PDC: variants seen among roughly 807,000 people sequenced by gnomAD.
PDC encodes phosducin, also known as 33 kDa phototransducing protein.
In PDC, 19 loss-of-function variants were observed where a neutral mutation model predicts 22.2. That is an observed-to-expected ratio of 0.86 (90% CI 0.60 to 1.26). PDC has a LOEUF of 1.26. Among genes scored for constraint, PDC ranks in the 50% most tolerant of loss-of-function variants. The pLI is 0.00. For missense variants in PDC, 274 were observed against 286.8 expected (o/e 0.96, Z 0.32); for synonymous variants, 97 against 96.2 (o/e 1.01, Z -0.05).
At chr1:186,453,079 G>C (rs567216699) in intron 1 of PDC, among the ~76,000 whole-genome samples, 1 of 152,192 alleles carries the variant, frequency 6.6e-6, no homozygotes, top group East Asian at 1.9e-4. Flanking sequence ...GAGAAATACA[G>C]CTTAAAATAG....
chr1:186,460,919 T>C (rs1056309049), intron 1 of PDC, 140 bp downstream of exon 1: 1 of 153,476 alleles, frequency 6.5e-6, no homozygotes, highest in Non-Finnish European at 1.5e-5. Context: ...TAATTGTCTT[T>C]ATAGTAGATA....
intron 1 of PDC, among the ~76,000 whole-genome samples, chr1:186,455,797 TAAAAAAA>T (rs71104862): frequency 5.1e-5 from 2 of 39,368 alleles, no homozygotes; most frequent in East Asian, 2.1e-3. Flanking sequence ...CCGTCTCTAC[TAAAAAAA>T]AAAAAAAAAA....
chr1:186,458,470 G>A (rs1312262012), intron 1 of PDC, among the ~76,000 whole-genome samples: 2 of 150,058 alleles, frequency 1.3e-5, no homozygotes, highest in African/African-American at 5.0e-5. Context: ...AGGTGTGGGA[G>A]CCACAGAAGC....
At chr1:186,444,547 T>G (rs763105074) in intron 3 of PDC, 41 bp from the exon 4 acceptor site, 1 of 1,384,474 alleles carries the variant, frequency 7.2e-7, no homozygotes, top group South Asian at 1.3e-5. Context: ...AGTCAGAAGT[T>G]TTATTCCTTA....
chr1:186,458,185 C>A (rs916618288), intron 1 of PDC, among the ~76,000 whole-genome samples: 1 of 145,410 alleles, frequency 6.9e-6, no homozygotes, highest in Non-Finnish European at 1.5e-5. Flanking sequence ...AGTGAAAAGA[C>A]ATCCACCTAT....
rs116768191 is a variant in PDC at position 186,456,449 on chromosome 1, G to A, written c.-25+4610C>T. Among the ~76,000 whole-genome samples the A allele has an allele frequency of 2.3e-3, 354 of 152,100 alleles. 4 individuals carry two copies. The highest frequency in any genetic ancestry group is 7.0e-3 in the African/African-American group (292 of 41,466). ...TTGCAAATTATGATGAAAGGCTTTCGCAGTCTTATTCTCATACTGGTCTCC... is the reference window on the plus strand; with the variant it reads ...TTGCAAATTATGATGAAAGGCTTTCACAGTCTTATTCTCATACTGGTCTCC... On this transcript the variant is annotated intron_variant, in intron 1 of 3. Transcript: ENST00000391997.
At chr1:186,445,729 G>A (rs1342973748) in intron 3 of PDC, among the ~76,000 whole-genome samples, 2 of 152,086 alleles carry the variant, frequency 1.3e-5, no homozygotes, top group Non-Finnish European at 2.9e-5. Context: ...AGGAGGTAGG[G>A]GTTGCAGTGA....
At position 186,443,957 on chromosome 1, in the gene PDC, G is replaced by C. The variant is rs1662160466; in HGVS notation, c.*22C>G. On this transcript the variant is annotated 3_prime_UTR_variant, in exon 4 of 4. Transcript: ENST00000391997. Reference sequence around the variant, plus strand: ...CATCCAATACCTAAAGGATAAACATGAGATATTGACATAGTGAATCTTCAT... The same window carrying C: ...CATCCAATACCTAAAGGATAAACATCAGATATTGACATAGTGAATCTTCAT... The C allele has an allele frequency of 3.2e-6, 5 of 1,545,314 alleles. No homozygotes were observed. The highest frequency in any genetic ancestry group is 2.7e-6 in the Non-Finnish European group (3 of 1,124,096).
chr1:186,449,402 T>A lies in PDC; in HGVS notation c.58A>T (p.Thr20Ser), dbSNP rs769904390. ...TTTTTCTTCTAGCTTTGCTTGCCTG[T>A]ATGTGTGGCCTGTCCTTCAAAGTCT... Reference protein sequence around the residue: ...EEDFEGQATHTGPKGVINDWR... With the variant: ...EEDFEGQATHSGPKGVINDWR... The change falls in exon 2 of 4, where the codon ACA becomes TCA. Residue 20 changes from threonine to serine, a missense_variant. Transcript: ENST00000391997. The A allele has an allele frequency of 6.3e-7, 1 of 1,597,190 alleles. No homozygotes were observed. The highest frequency in any genetic ancestry group is 8.6e-7 in the Non-Finnish European group (1 of 1,167,592).
chr1:186,456,726 T>C (rs1169466955), intron 1 of PDC, among the ~76,000 whole-genome samples: 1 of 152,230 alleles, frequency 6.6e-6, no homozygotes, highest in East Asian at 1.9e-4. Context: ...AGAAACTGTT[T>C]CAGAGAAGGT....
At chr1:186,453,107 G>A (rs1035843279) in intron 1 of PDC, among the ~76,000 whole-genome samples, 4 of 152,062 alleles carry the variant, frequency 2.6e-5, no homozygotes, top group African/African-American at 4.8e-5. Flanking sequence ...CCAAGTTAGG[G>A]TTTTATTTTC....
chr1:186,453,081 T>C (rs1472078338), intron 1 of PDC, among the ~76,000 whole-genome samples: 1 of 152,214 alleles, frequency 6.6e-6, no homozygotes, highest in African/African-American at 2.4e-5. Flanking sequence ...GAAATACAGC[T>C]TAAAATAGAA....
intron 1 of PDC, among the ~76,000 whole-genome samples, chr1:186,450,426 A>C (rs557648048): frequency 6.6e-6 from 1 of 152,028 alleles, no homozygotes; most frequent in African/African-American, 2.4e-5. Flanking sequence ...GCAGCCTCAA[A>C]CTTCTGGGCT....
At chr1:186,459,706 G>C (rs1481702693) in intron 1 of PDC, among the ~76,000 whole-genome samples, 5 of 146,356 alleles carry the variant, frequency 3.4e-5, no homozygotes, top group African/African-American at 1.2e-4. Context: ...GCTTTAATAT[G>C]AGGTGATTCT....
intron 1 of PDC, among the ~76,000 whole-genome samples, chr1:186,459,055 C>T (rs1468511558): frequency 6.6e-6 from 1 of 152,060 alleles, no homozygotes; most frequent in Non-Finnish European, 1.5e-5. Flanking sequence ...CCAGATACTC[C>T]GGAGGCTGAC....
intron 1 of PDC, among the ~76,000 whole-genome samples, chr1:186,454,239 T>C (rs1251446439): frequency 6.8e-6 from 1 of 146,156 alleles, no homozygotes. Flanking sequence ...AGTGGTGCGA[T>C]CTTACTCACT....
At chr1:186,446,142 G>T (rs911588727) in intron 3 of PDC, among the ~76,000 whole-genome samples, 1 of 152,136 alleles carries the variant, frequency 6.6e-6, no homozygotes, top group Non-Finnish European at 1.5e-5. Context: ...AGTGGAGCAG[G>T]TTTGTTACAA....
chr1:186,448,191 T>C (rs986260071), intron 2 of PDC, among the ~76,000 whole-genome samples: 1 of 152,196 alleles, frequency 6.6e-6, no homozygotes, highest in African/African-American at 2.4e-5. Context: ...TCAAAGGGCA[T>C]ATACATTACT....
In PDC at chr1:186,444,063, A is replaced by G. The variant is rs1164158170; in HGVS notation, c.657T>C (p.Ser219=). The G allele has an allele frequency of 1.9e-6, 3 of 1,613,300 alleles. No homozygotes were observed. Among genetic ancestry groups the G allele is most frequent in the East Asian group, 2.2e-5 (1 of 44,876 alleles). The change falls in exon 4 of 4, where the codon TCT becomes TCC. Residue 219 remains serine (S), a synonymous_variant. Coordinates refer to ENST00000391997, the MANE Select transcript of PDC (RefSeq NM_002597.5). Reference sequence around the variant, plus strand: ...GTAGTAACCCATATTCATTTAGGAAAGACTCCACATCCCCAGCAAAAAATT... The same window carrying G: ...GTAGTAACCCATATTCATTTAGGAAGGACTCCACATCCCCAGCAAAAAATT... The part of the protein sequence containing the change: ...AEEFFAGDVE[S]FLNEYGLLPE...
Sources: gnomAD v4.1 joint callset for allele counts (sites outside exome capture counted in the v4.1 genomes callset) on GRCh38, gnomAD v4.1.1 for gene constraint, MANE v1.5 for transcripts, NCBI Gene and HGNC (gene_info 2026-07-23, HGNC 2026-07-21) for gene names.